The following UBN2 variants were observed in gnomAD, a reference collection of about 807,000 sequenced individuals.
UBN2 encodes the protein ubinuclein 2, also known as ubinuclein-2.
Under a neutral mutation model 120.2 loss-of-function variants are expected in UBN2, and 35 were observed. The observed-to-expected ratio is 0.29, with a 90% CI of 0.22 to 0.39. UBN2 has a LOEUF of 0.39. Among genes scored for constraint, UBN2 ranks in the 10% least tolerant of loss-of-function variants. The pLI, the probability that UBN2 is intolerant of heterozygous loss-of-function variation, is 1.00. For synonymous variants in UBN2, 661 were observed against 648.7 expected (o/e 1.02, Z -0.29); for missense variants, 1,693 against 1,663.2 (o/e 1.02, Z -0.31).
chr7:139,245,572 ATTGT>A (rs891700158), intron 2 of UBN2, among the ~76,000 whole-genome samples: 7 of 152,186 alleles, frequency 4.6e-5, no homozygotes, highest in African/African-American at 1.7e-4. Flanking sequence ...TTACCCATAA[ATTGT>A]TTGCACTTCT....
At position 139,294,023 on chromosome 7, in the gene UBN2, G is replaced by A. The variant is rs1428222618; in HGVS notation, c.3994+42G>A. The A allele has an allele frequency of 5.7e-6, 9 of 1,575,470 alleles. No individual in the cohort carries two copies. The Admixed American group carries it at 1.5e-4, about 27-fold the overall frequency. On this transcript the variant is annotated intron_variant, in intron 17 of 17. Coordinates refer to ENST00000473989, the MANE Select transcript of UBN2 (RefSeq NM_173569.4). Reference sequence around the variant, plus strand: ...CTTCATCTCTTTCTTATTTGTATAGGCTTATAGATATGGATTATACTTTTC... The same window carrying A: ...CTTCATCTCTTTCTTATTTGTATAGACTTATAGATATGGATTATACTTTTC...
intron 2 of UBN2, among the ~76,000 whole-genome samples, chr7:139,247,686 T>A (rs901545170): frequency 6.6e-6 from 1 of 152,234 alleles, no homozygotes; most frequent in Non-Finnish European, 1.5e-5. Context: ...ATATATATTT[T>A]ATGCCCCAGT....
chr7:139,306,093 C>G lies in UBN2; in HGVS notation c.*8257C>G, dbSNP rs925038653. Reference sequence around the variant, plus strand: ...AGCACTAATGGAAACCTAATAAATACAAACAAGATAACTATTACCCAAGAT... The same window carrying G: ...AGCACTAATGGAAACCTAATAAATAGAAACAAGATAACTATTACCCAAGAT... On this transcript the variant is annotated 3_prime_UTR_variant, in exon 18 of 18. Coordinates refer to ENST00000473989, the MANE Select transcript of UBN2 (RefSeq NM_173569.4). The G allele has an allele frequency of 6.6e-6, 1 of 152,158 alleles. No individual in the cohort carries two copies. Among genetic ancestry groups the G allele is most frequent in the African/African-American group, 2.4e-5 (1 of 41,434 alleles). The allele number at this position is 152,158 out of a possible 1,614,324, so 9.4% of individuals were successfully genotyped here. A position where few individuals can be genotyped will look rare whatever the true frequency, so the allele number is the denominator to read the frequency against.
Position 139,289,414 on chromosome 7 carries a change from C to CTTTTTTTTTTTT in UBN2, c.3670-3813_3670-3802dup, listed in dbSNP as rs1161484759. Among the ~76,000 whole-genome samples the CTTTTTTTTTTTT allele has an allele frequency of 3.6e-4, 45 of 125,762 alleles. 1 individual carries two copies. The highest frequency in any genetic ancestry group is 4.1e-3 in the Middle Eastern group (1 of 246). The allele number at this position is 125,762 out of a possible 152,430, so 82.5% of individuals were successfully genotyped here. ...ATTGCCCTCCCTAATTTACATTTTGCTTTTTTTTTTTTTTTTGAGACAGGG... is the reference window on the plus strand; with the variant it reads ...ATTGCCCTCCCTAATTTACATTTTGCTTTTTTTTTTTTTTTTTTTTTTTTTTTTGAGACAGGG... On this transcript the variant is annotated intron_variant, in intron 15 of 17. Transcript: ENST00000473989.
At chr7:139,289,021 T>TA (rs1270763196) in intron 15 of UBN2, among the ~76,000 whole-genome samples, 1 of 142,740 alleles carries the variant, frequency 7.0e-6, no homozygotes, top group East Asian at 2.0e-4. Flanking sequence ...AAAAAAAAAA[T>TA]TAATGCCCAC....
chr7:139,297,484 C>A (rs1015788562), intron 17 of UBN2, among the ~76,000 whole-genome samples: 1 of 151,958 alleles, frequency 6.6e-6, no homozygotes, highest in Admixed American at 6.6e-5. Context: ...CCTTTATAAC[C>A]CTCTCACAGC....
At chr7:139,294,821 A>G (rs1479921225) in intron 17 of UBN2, among the ~76,000 whole-genome samples, 2 of 152,186 alleles carry the variant, frequency 1.3e-5, no homozygotes. Context: ...AGCCTGTGCA[A>G]CAGAGTAAGA....
rs760348323 is a variant in UBN2 at position 139,283,805 on chromosome 7, C to G, written c.2900C>G (p.Ser967Cys). 5 of 1,614,086 alleles carry G rather than the reference C, an allele frequency of 3.1e-6. No individual in the cohort carries two copies. The highest frequency in any genetic ancestry group is 4.2e-6 in the Non-Finnish European group (5 of 1,180,020). The change falls in exon 15 of 18, where the codon TCC becomes TGC. Residue 967 changes from serine to cysteine, a missense_variant. By Grantham distance (112) the Ser-to-Cys change is moderately radical (BLOSUM62 -1). Around this residue, in one of 5 missense-constraint regions of UBN2, gnomAD observed 837 missense variants for 817.6 expected, o/e 1.02. Transcript: ENST00000473989. Reference sequence around the variant, plus strand: ...AGTAATAATCCCCAACTCTCCTGTTCCTCCTCACTTATTAAGACTTCAGAT... The same window carrying G: ...AGTAATAATCCCCAACTCTCCTGTTGCTCCTCACTTATTAAGACTTCAGAT... Reference protein sequence around the residue: ...KLSNNPQLSCSSSLIKTSDKP... With the variant: ...KLSNNPQLSCCSSLIKTSDKP...
chr7:139,268,798 C>T (rs192867223), intron 7 of UBN2, among the ~76,000 whole-genome samples: 85 of 152,268 alleles, frequency 5.6e-4, no homozygotes, highest in African/African-American at 1.9e-3. Context: ...GTGCTTTACC[C>T]AAAACCATAG....
At chr7:139,308,523 G>A (rs577844149), downstream of UBN2, among the ~76,000 whole-genome samples, 1 of 152,274 alleles carries the variant, frequency 6.6e-6, no homozygotes, top group South Asian at 2.1e-4. Context: ...AGTAATGTGG[G>A]AAGACTCAGT....
intron 1 of UBN2, among the ~76,000 whole-genome samples, chr7:139,234,957 T>C (rs1366243359): frequency 6.6e-6 from 1 of 152,184 alleles, no homozygotes; most frequent in African/African-American, 2.4e-5. Flanking sequence ...CAGATTTTTT[T>C]TCACCTGAAA....
Position 139,305,409 on chromosome 7 carries a change from C to T in UBN2, c.*7573C>T. The T allele has an allele frequency of 6.6e-6, 1 of 152,194 alleles. No homozygotes were observed. The highest frequency in any genetic ancestry group is 1.9e-4 in the East Asian group (1 of 5,196). 9.4% of individuals were successfully genotyped at this position (152,194 alleles called of 1,614,324 possible). The stretch of plus-strand genomic sequence containing the variant: ...CCCTGTGCAGGCCTGCTTTAGAAGA[C>T]TTTACATCCCAGCAGAGGATTCAGG... On this transcript the variant is annotated 3_prime_UTR_variant, in exon 18 of 18. Transcript: ENST00000473989.
intron 2 of UBN2, among the ~76,000 whole-genome samples, chr7:139,250,172 T>G (rs1796585377): frequency 6.6e-6 from 1 of 152,096 alleles, no homozygotes. Flanking sequence ...GCCTAGGTGT[T>G]CCAAGGTGAG....
chr7:139,266,442 A>G, intron 7 of UBN2, 39 bp downstream of exon 7: 1 of 1,262,116 alleles, frequency 7.9e-7, no homozygotes, highest in African/African-American at 1.5e-5. Context: ...CTTAAGAATG[A>G]TACATTAAAA....
At position 139,304,925 on chromosome 7, in the gene UBN2, T is replaced by G. The variant is rs550531488; in HGVS notation, c.*7089T>G. The G allele has an allele frequency of 2.0e-5, 3 of 152,310 alleles. No homozygotes were observed. The East Asian group carries it at 5.8e-4, about 29-fold the overall frequency. 9.4% of individuals were successfully genotyped at this position (152,310 alleles called of 1,614,324 possible). ...TAAGGGTTTTTGTTGAATGTGTGTT[T>G]GTTCTTCTAGGGAAAATTAACAGAA... On this transcript the variant is annotated 3_prime_UTR_variant, in exon 18 of 18. Transcript: ENST00000473989.
At position 139,305,393 on chromosome 7, in the gene UBN2, G is replaced by A. The variant is rs1467227046; in HGVS notation, c.*7557G>A. ...GAACTGAGAAGTAAAGCCCTGTGCA[G>A]GCCTGCTTTAGAAGACTTTACATCC... is the stretch of plus-strand genomic sequence containing the variant. On this transcript the variant is annotated 3_prime_UTR_variant, in exon 18 of 18. Coordinates refer to ENST00000473989, the MANE Select transcript of UBN2 (RefSeq NM_173569.4). 1 of 152,196 alleles carries A rather than the reference G, an allele frequency of 6.6e-6. No individual in the cohort carries two copies. Among genetic ancestry groups the A allele is most frequent in the African/African-American group, 2.4e-5 (1 of 41,444 alleles). The allele number at this position is 152,196 out of a possible 1,614,324, so 9.4% of individuals were successfully genotyped here.
At chr7:139,316,911 T>C in the UBN2 span, among the ~76,000 whole-genome samples, 2 of 152,060 alleles carry the variant, frequency 1.3e-5, no homozygotes, top group East Asian at 1.9e-4. Context: ...TTTTTCTTTT[T>C]TTTGGTCTTC....
chr7:139,261,025 T>TC, intron 5 of UBN2, among the ~76,000 whole-genome samples: 1 of 152,296 alleles, frequency 6.6e-6, no homozygotes, highest in African/African-American at 2.4e-5. Context: ...CTGAGCTGTT[T>TC]CCCCATTTTC....
intron 15 of UBN2, among the ~76,000 whole-genome samples, chr7:139,286,195 T>G (rs1797781013): frequency 6.6e-6 from 1 of 152,202 alleles, no homozygotes; most frequent in South Asian, 2.1e-4. Flanking sequence ...CCCAAAGTGC[T>G]GGGCTTACAG....
Sources: gnomAD v4.1 joint callset for allele counts (sites outside exome capture counted in the v4.1 genomes callset) on GRCh38, gnomAD v4.1.1 for gene constraint, gnomAD v4.1.1 regional missense constraint, MANE v1.5 for transcripts, NCBI Gene and HGNC (gene_info 2026-07-23, HGNC 2026-07-21) for gene names.